ENTREP2: variants seen among roughly 807,000 people sequenced by gnomAD.
ENTREP2 encodes the protein protein ENTREP2.
the ENTREP2 span, among the ~76,000 whole-genome samples, chr15:29,318,370 G>A: frequency 8.6e-5 from 13 of 152,006 alleles, no homozygotes; most frequent in African/African-American, 3.1e-4. Flanking sequence ...ACCCAGGCTG[G>A]AGTGCAGTGT....
the ENTREP2 span, among the ~76,000 whole-genome samples, chr15:29,288,581 G>C: frequency 6.6e-6 from 1 of 152,140 alleles, no homozygotes; most frequent in Non-Finnish European, 1.5e-5. Flanking sequence ...TCTGTGTTTA[G>C]GTATGTTTAG....
the ENTREP2 span, among the ~76,000 whole-genome samples, chr15:29,223,907 T>TA: frequency 2.0e-3 from 306 of 152,272 alleles, no homozygotes; most frequent in African/African-American, 7.0e-3. Context: ...GCACATGAAG[T>TA]AAAGTCTGAA....
chr15:29,588,469 A>T, the ENTREP2 span, among the ~76,000 whole-genome samples: 36 of 150,442 alleles, frequency 2.4e-4, no homozygotes, highest in Non-Finnish European at 3.6e-4. Flanking sequence ...CTCTGTATCA[A>T]AAAGAAAAGA....
At chr15:29,201,570 T>TA in the ENTREP2 span, among the ~76,000 whole-genome samples, 1 of 152,232 alleles carries the variant, frequency 6.6e-6, no homozygotes, top group Non-Finnish European at 1.5e-5. Context: ...TATGATAGAA[T>TA]AAATTGACTG....
the ENTREP2 span, among the ~76,000 whole-genome samples, chr15:29,202,516 T>C: frequency 7.2e-5 from 11 of 152,178 alleles, no homozygotes; most frequent in Non-Finnish European, 1.5e-4. Flanking sequence ...AGGTGCAGAA[T>C]GTACAGGTTT....
At chr15:29,399,582 A>G in the ENTREP2 span, among the ~76,000 whole-genome samples, 6 of 152,190 alleles carry the variant, frequency 3.9e-5, no homozygotes, top group African/African-American at 7.2e-5. Flanking sequence ...ATAATACTAT[A>G]TATAGTTGTC....
At chr15:29,304,643 T>G in the ENTREP2 span, among the ~76,000 whole-genome samples, 1 of 152,294 alleles carries the variant, frequency 6.6e-6, no homozygotes, top group African/African-American at 2.4e-5. Flanking sequence ...CACTCTCTGC[T>G]TAACACCTCC....
chr15:29,649,761 A>T, the ENTREP2 span, among the ~76,000 whole-genome samples: 1 of 151,260 alleles, frequency 6.6e-6, no homozygotes, highest in Admixed American at 6.6e-5. Flanking sequence ...AAAGAAAGAA[A>T]AAAGAAAGAA....
chr15:29,286,336 AG>A, the ENTREP2 span, among the ~76,000 whole-genome samples: 221 of 152,368 alleles, frequency 1.5e-3, 1 homozygote, highest in Middle Eastern at 3.4e-3. Context: ...GCTCGATATA[AG>A]GTTAATAGAC....
the ENTREP2 span, among the ~76,000 whole-genome samples, chr15:29,581,503 A>G: frequency 2.6e-5 from 4 of 152,168 alleles, no homozygotes; most frequent in African/African-American, 9.7e-5. Flanking sequence ...ACCCAAAATA[A>G]TATTTGGCCA....
the ENTREP2 span, among the ~76,000 whole-genome samples, chr15:29,301,735 G>A: frequency 6.6e-6 from 1 of 152,176 alleles, no homozygotes; most frequent in Non-Finnish European, 1.5e-5. Flanking sequence ...ATAGTATTAA[G>A]AGGTGAGGTC....
the ENTREP2 span, among the ~76,000 whole-genome samples, chr15:29,278,784 C>CA: frequency 6.6e-6 from 1 of 152,184 alleles, no homozygotes; most frequent in Non-Finnish European, 1.5e-5. Flanking sequence ...TCTGGAGCCT[C>CA]AATTCTAATC....
chr15:29,120,025 G>A, the ENTREP2 span, among the ~76,000 whole-genome samples: 1 of 152,392 alleles, frequency 6.6e-6, no homozygotes, highest in Non-Finnish European at 1.5e-5. Flanking sequence ...TGGAGGGGCT[G>A]CCATGGCCAG....
chr15:29,574,228 G>A, the ENTREP2 span, among the ~76,000 whole-genome samples: 1 of 152,178 alleles, frequency 6.6e-6, no homozygotes, highest in African/African-American at 2.4e-5. Flanking sequence ...ACCAAGTTAT[G>A]GCTTTTATTC....
chr15:29,184,199 C>T, the ENTREP2 span, among the ~76,000 whole-genome samples: 54 of 152,246 alleles, frequency 3.5e-4, 1 homozygote, highest in African/African-American at 1.3e-3. Context: ...TGGCCAGGCT[C>T]GTCTGAAACT....
chr15:29,277,607 C>T, the ENTREP2 span, among the ~76,000 whole-genome samples: 2 of 152,082 alleles, frequency 1.3e-5, no homozygotes. Context: ...AGGTGGAGCT[C>T]GGGCAGTAAT....
the ENTREP2 span, among the ~76,000 whole-genome samples, chr15:29,563,842 TAAAA>T: frequency 3.2e-4 from 6 of 18,522 alleles, no homozygotes; most frequent in South Asian, 2.5e-3. Flanking sequence ...GCCTCAAAAA[TAAAA>T]ATAAATAAAT....
the ENTREP2 span, among the ~76,000 whole-genome samples, chr15:29,563,787 A>C: frequency 2.6e-5 from 4 of 152,102 alleles, no homozygotes; most frequent in Non-Finnish European, 5.9e-5. Flanking sequence ...TAGTGAGCCA[A>C]GATTGCTTCA....
chr15:29,159,357 G>C, the ENTREP2 span, among the ~76,000 whole-genome samples: 1 of 152,170 alleles, frequency 6.6e-6, no homozygotes, highest in African/African-American at 2.4e-5. Flanking sequence ...GCTCATAAAG[G>C]CAAGGTGGAC....
Sources: gnomAD v4.1 joint callset for allele counts (sites outside exome capture counted in the v4.1 genomes callset) on GRCh38, gnomAD v4.1.1 for gene constraint, MANE v1.5 for transcripts, NCBI Gene and HGNC (gene_info 2026-07-23, HGNC 2026-07-21) for gene names.